DEFB123: variants seen among roughly 807,000 people sequenced by gnomAD.
The protein encoded by DEFB123 is beta-defensin 123.
For synonymous variants in DEFB123, 22 were observed against 28.3 expected, an observed-to-expected ratio of 0.78 and a Z score of 0.71; for missense variants, 71 against 75.0, an observed-to-expected ratio of 0.95 and a Z score of 0.20.
intron 1 of DEFB123, among the ~76,000 whole-genome samples, chr20:31,447,476 T>C (rs1230648461): frequency 7.5e-6 from 1 of 133,782 alleles, no homozygotes; most frequent in Non-Finnish European, 1.6e-5. Flanking sequence ...CGTTTTCAAA[T>C]ACATGAAAAA....
intron 1 of DEFB123, among the ~76,000 whole-genome samples, chr20:31,447,399 T>C (rs2122417517): frequency 6.6e-6 from 1 of 152,346 alleles, no homozygotes; most frequent in South Asian, 2.1e-4. Context: ...CTGGTACCAT[T>C]TTCTTCTGCC....
At chr20:31,446,059 C>T (rs74361808) in intron 1 of DEFB123, among the ~76,000 whole-genome samples, 1 of 152,262 alleles carries the variant, frequency 6.6e-6, no homozygotes, top group East Asian at 1.9e-4. Context: ...CACAAGGACA[C>T]ACTAGCAGTC....
intron 1 of DEFB123, among the ~76,000 whole-genome samples, chr20:31,444,855 C>T (rs116728151): frequency 7.8e-4 from 119 of 152,310 alleles, no homozygotes; most frequent in African/African-American, 2.8e-3. Flanking sequence ...TCACAATTGT[C>T]TTCATCCCCC....
intron 1 of DEFB123, among the ~76,000 whole-genome samples, chr20:31,447,029 G>A (rs1028947567): frequency 6.6e-6 from 1 of 151,520 alleles, no homozygotes; most frequent in Non-Finnish European, 1.5e-5. Context: ...TTGGGAGGCC[G>A]AGGCGGGTGG....
intron 1 of DEFB123, 24 bp downstream of exon 1, chr20:31,440,780 G>A: frequency 2.5e-6 from 4 of 1,612,456 alleles, no homozygotes; most frequent in Non-Finnish European, 3.4e-6. Flanking sequence ...CCTTAAGGAA[G>A]GGGCAGGGCT....
At chr20:31,449,208 C>CT (rs112781684) in intron 1 of DEFB123, among the ~76,000 whole-genome samples, 454 of 142,828 alleles carry the variant, frequency 3.2e-3, no homozygotes, top group African/African-American at 8.2e-3. Flanking sequence ...TATTTTCCTG[C>CT]TTTTTTTTTT....
chr20:31,448,029 G>C (rs1457528484), intron 1 of DEFB123, among the ~76,000 whole-genome samples: 1 of 151,600 alleles, frequency 6.6e-6, no homozygotes, highest in Non-Finnish European at 1.5e-5. Context: ...CTCATGATCC[G>C]CCCACCTTGG....
At chr20:31,445,061 A>G (rs1423812218) in intron 1 of DEFB123, among the ~76,000 whole-genome samples, 1 of 152,236 alleles carries the variant, frequency 6.6e-6, no homozygotes, top group Non-Finnish European at 1.5e-5. Flanking sequence ...TTGAAAAAAC[A>G]TAAGTCATTT....
intron 1 of DEFB123, among the ~76,000 whole-genome samples, chr20:31,448,151 G>A (rs752742623): frequency 6.6e-6 from 1 of 151,904 alleles, no homozygotes; most frequent in Non-Finnish European, 1.5e-5. Flanking sequence ...TTGGGCTCAA[G>A]CAATCCTCCC....
rs562941994 is a variant in DEFB123 at position 31,440,824 on chromosome 20, G to A, written c.58+68G>A. 23 of 1,589,466 alleles carry A rather than the reference G, an allele frequency of 1.4e-5. No individual in the cohort carries two copies. The Admixed American group carries it at 2.5e-4, about 17-fold the overall frequency. On this transcript the variant is annotated intron_variant, in intron 1 of 1. Coordinates refer to ENST00000376309, the MANE Select transcript of DEFB123 (RefSeq NM_153324.4). ...AAGGCCTGGTCAGAGAATCCCAAGG[G>A]CTAGAAGGATGGGCTGCAGGTTGTC...
intron 1 of DEFB123, 55 bp from the exon 2 acceptor site, chr20:31,449,974 C>A: frequency 6.6e-7 from 1 of 1,518,310 alleles, no homozygotes; most frequent in Non-Finnish European, 8.8e-7. Context: ...CCTTTCAAAT[C>A]CGGAGCCTAC....
chr20:31,447,810 G>A (rs534264272), intron 1 of DEFB123, among the ~76,000 whole-genome samples: 2 of 98,676 alleles, frequency 2.0e-5, no homozygotes, highest in South Asian at 3.5e-4. Flanking sequence ...TTTTTGAGAC[G>A]GAGTCCCGCT....
At chr20:31,448,329 A>G (rs1210054477) in intron 1 of DEFB123, among the ~76,000 whole-genome samples, 1 of 151,758 alleles carries the variant, frequency 6.6e-6, no homozygotes, top group Non-Finnish European at 1.5e-5. Context: ...GTGCCTTTGC[A>G]TGCTTCTCTT....
At chr20:31,442,900 G>T (rs955346016) in intron 1 of DEFB123, among the ~76,000 whole-genome samples, 2 of 152,098 alleles carry the variant, frequency 1.3e-5, no homozygotes, top group Middle Eastern at 3.2e-3. Flanking sequence ...GAGCCACCAT[G>T]CCCGGTCTTT....
intron 1 of DEFB123, among the ~76,000 whole-genome samples, chr20:31,441,784 C>G (rs560763370): frequency 6.6e-6 from 1 of 152,164 alleles, no homozygotes; most frequent in Non-Finnish European, 1.5e-5. Flanking sequence ...TAAAACACCA[C>G]TCACCTGGAG....
At chr20:31,446,861 A>AC (rs1979597122) in intron 1 of DEFB123, among the ~76,000 whole-genome samples, 1 of 151,934 alleles carries the variant, frequency 6.6e-6, no homozygotes, top group Non-Finnish European at 1.5e-5. Context: ...TATCTTTTAA[A>AC]GAAATGTCTC....
chr20:31,446,818 G>A (rs1054468547), intron 1 of DEFB123, among the ~76,000 whole-genome samples: 2 of 151,920 alleles, frequency 1.3e-5, no homozygotes, highest in Non-Finnish European at 1.5e-5. Context: ...TATGAACTCC[G>A]CAGTACAATG....
chr20:31,449,767 C>CAAAAAAAAAAAAAAAAAAAAAAA (rs59939526), intron 1 of DEFB123, among the ~76,000 whole-genome samples: 2 of 52,486 alleles, frequency 3.8e-5, no homozygotes, highest in Non-Finnish European at 4.0e-5. Context: ...AGACTCATCT[C>CAAAAAAAAAAAAAAAAAAAAAAA]AAAAAAAAAA....
At chr20:31,447,526 G>C (rs1050428820) in intron 1 of DEFB123, among the ~76,000 whole-genome samples, 1 of 151,636 alleles carries the variant, frequency 6.6e-6, no homozygotes, top group African/African-American at 2.4e-5. Context: ...CCTCTGTAAA[G>C]AATTCTGGGC....
Sources: allele counts gnomAD v4.1 joint callset (sites outside exome capture counted in the v4.1 genomes callset), GRCh38; gene constraint gnomAD v4.1.1; transcripts MANE v1.5; gene names NCBI Gene and HGNC (gene_info 2026-07-23, HGNC 2026-07-21).